Variants in CDH23 observed in about 807,000 individuals in gnomAD.
The protein encoded by CDH23 is cadherin-23.
Under a neutral mutation model 317.1 loss-of-function variants are expected in CDH23, and 189 were observed. That is an observed-to-expected ratio of 0.60 (90% CI 0.53 to 0.67). The LOEUF is 0.67. Ranked by LOEUF, CDH23 falls within the 30% of genes least tolerant of loss-of-function variation. CDH23 has a pLI of 0.00. For synonymous variants in CDH23, 1,839 were observed against 1,876.8 expected (o/e 0.98, Z 0.52); for missense variants, 4,401 against 4,592.4 (o/e 0.96, Z 1.20).
At chr10:71,659,871 C>T (rs1863570549) in intron 14 of CDH23, among the ~76,000 whole-genome samples, 1 of 151,714 alleles carries the variant, frequency 6.6e-6, no homozygotes, top group African/African-American at 2.4e-5. Context: ...CTACAGGGAG[C>T]AAAGGGATAA....
chr10:71,761,849 C>T (rs757499424), intron 38 of CDH23: 21 of 1,614,000 alleles, frequency 1.3e-5, no homozygotes, highest in Non-Finnish European at 1.6e-5. Context: ...GCGGATGGGC[C>T]GGCGCTCTGA....
At position 71,778,169 on chromosome 10, in the gene CDH23, C is replaced by A. The variant is rs1158589987; in HGVS notation, c.5068-20C>A. ...CTACCACCCCTAGATCCATCCTTGTCCCTTCCCTGTGTCCCCCAGGGTGTC... is the reference window on the plus strand; with the variant it reads ...CTACCACCCCTAGATCCATCCTTGTACCTTCCCTGTGTCCCCCAGGGTGTC... On this transcript the variant is annotated intron_variant, in intron 39 of 69. Transcript: ENST00000224721. 6.2e-7 allele frequency: 1 copy of A among 1,613,736 alleles called. No individual in the cohort carries two copies. The highest frequency in any genetic ancestry group is 2.2e-5 in the East Asian group (1 of 44,866).
rs1841925855 is a variant in CDH23, at chr10:71,811,553, A to T, written c.9241A>T (p.Met3081Leu). Residue 3081 changes from methionine to leucine, a missense_variant, in exon 64 of 70, where the codon ATG (methionine) becomes TTG (leucine). This residue lies in a region of CDH23 where 1,144 missense variants were observed against 1,138.2 expected (regional missense o/e 1.01). Coordinates refer to ENST00000224721, the MANE Select transcript of CDH23 (RefSeq NM_022124.6). ...VLAILLFLAA[M>L]LFVLMNWYYR... ...GGCTATCCTCCTGTTCCTGGCCGCC[A>T]TGCTCTTTGTCCTCATGAACTGGTA... The T allele has an allele frequency of 6.2e-7, 1 of 1,613,842 alleles. No individual in the cohort carries two copies. The highest frequency in any genetic ancestry group is 8.5e-7 in the Non-Finnish European group (1 of 1,179,864).
Position 71,530,442 on chromosome 10 carries a change from C to T in CDH23, c.429+19230C>T, listed in dbSNP as rs1002612986. On this transcript the variant is annotated intron_variant, in intron 6 of 69. Transcript: ENST00000224721. ...GCAGACTGCCAAGCCGTTCTCCACC[C>T]GCCGCCTGGCCTGAAGCACCCCCTT... 2.6e-5 allele frequency among the ~76,000 whole-genome samples: 4 copies of T among 152,240 alleles called. No individual in the cohort carries two copies. The South Asian group carries it at 6.2e-4, about 24-fold the overall frequency.
chr10:71,502,774 T>G (rs1313925907), intron 3 of CDH23, among the ~76,000 whole-genome samples: 1 of 152,218 alleles, frequency 6.6e-6, no homozygotes, highest in Non-Finnish European at 1.5e-5. Context: ...ATGGAAGGTG[T>G]GCTTTAAGGA....
intron 2 of CDH23, 36 bp from the exon 3 acceptor site, chr10:71,446,282 G>C: frequency 6.3e-7 from 1 of 1,595,302 alleles, no homozygotes; most frequent in Non-Finnish European, 8.6e-7. Flanking sequence ...GCTGATGGGG[G>C]GTACTTGGCT....
In CDH23 at chr10:71,687,668, A is replaced by C. The variant is rs1304555485; in HGVS notation, c.2008A>C (p.Thr670Pro). Residue 670 changes from threonine (T) to proline (P), a missense_variant, in exon 19 of 70, where the codon ACC (threonine) becomes CCC (proline). Thr to Pro is a conservative substitution (Grantham distance 38). This residue lies in a region of CDH23 where 3,068 missense variants were observed against 3,203.3 expected (regional missense o/e 0.96). Coordinates refer to ENST00000224721, the MANE Select transcript of CDH23 (RefSeq NM_022124.6). ...CCAGGATGAGAATGACAACCCTCCCACCTTCAGCAAGCCCGCCTACTTCGT... is the reference window on the plus strand; with the variant it reads ...CCAGGATGAGAATGACAACCCTCCCCCCTTCAGCAAGCCCGCCTACTTCGT... ...EVFDENDNPP[T>P]FSKPAYFVSV... 6.2e-7 allele frequency: 1 copy of C among 1,613,076 alleles called. No homozygotes were observed. The highest frequency in any genetic ancestry group is 8.5e-7 in the Non-Finnish European group (1 of 1,179,654).
At chr10:71,577,485 G>C (rs891217009) in intron 8 of CDH23, among the ~76,000 whole-genome samples, 2 of 152,282 alleles carry the variant, frequency 1.3e-5, no homozygotes, top group Non-Finnish European at 2.9e-5. Flanking sequence ...GTGAAAACAA[G>C]GTCCCAGGCT....
intron 38 of CDH23, among the ~76,000 whole-genome samples, chr10:71,762,661 C>A (rs1403245547): frequency 1.9e-5 from 2 of 107,406 alleles, no homozygotes; most frequent in Admixed American, 1.0e-4. Flanking sequence ...CTTCTGGGGA[C>A]AGTCAGGGAC....
In CDH23 at chr10:71,743,007, G is replaced by A. The variant is rs770592200; in HGVS notation, c.4845+1086G>A. On this transcript the variant is annotated intron_variant, in intron 38 of 69. Transcript: ENST00000224721. ...GGACAACTCATCCTCCAGAAGGCTA[G>A]CCCGTGCCTGTTCTTATGGGGCTGG... Among the ~76,000 whole-genome samples, 4 of 152,204 alleles carry A rather than the reference G, an allele frequency of 2.6e-5. No homozygotes were observed. In the East Asian group the frequency reaches 5.8e-4, roughly 22 times the overall value.
chr10:71,727,951 G>A (rs960042332), intron 30 of CDH23, among the ~76,000 whole-genome samples: 3 of 152,062 alleles, frequency 2.0e-5, no homozygotes, highest in South Asian at 4.1e-4. Context: ...GGCTGAAACC[G>A]ACCAGAGGCT....
intron 1 of CDH23, among the ~76,000 whole-genome samples, chr10:71,439,316 G>GAT (rs1303594753): frequency 6.6e-6 from 1 of 152,172 alleles, no homozygotes; most frequent in Non-Finnish European, 1.5e-5. Context: ...AACAGGAAGA[G>GAT]ATATGCTCAT....
At chr10:71,626,639 T>G (rs1861749502) in intron 11 of CDH23, among the ~76,000 whole-genome samples, 1 of 152,152 alleles carries the variant, frequency 6.6e-6, no homozygotes, top group African/African-American at 2.4e-5. Flanking sequence ...TTCTGTCTCC[T>G]AAGCAACTTG....
intron 8 of CDH23, among the ~76,000 whole-genome samples, chr10:71,573,905 G>A (rs778933154): frequency 6.6e-6 from 1 of 152,260 alleles, no homozygotes; most frequent in African/African-American, 2.4e-5. Flanking sequence ...AGGTTCCCTC[G>A]CCTCTTGCAG....
At chr10:71,770,759 C>T (rs1035275360) in intron 38 of CDH23, among the ~76,000 whole-genome samples, 4 of 152,176 alleles carry the variant, frequency 2.6e-5, no homozygotes, top group African/African-American at 9.7e-5. Context: ...CTGCCTGGAC[C>T]ACCCTCTCCC....
At chr10:71,709,064 T>A (rs751193554) in intron 26 of CDH23, 34 bp from the exon 27 acceptor site, 1 of 1,601,758 alleles carries the variant, frequency 6.2e-7, no homozygotes, top group South Asian at 1.1e-5. Flanking sequence ...GAGCTCTGTT[T>A]CCCAGCCGGA....
intron 9 of CDH23, among the ~76,000 whole-genome samples, chr10:71,597,586 A>T (rs973193885): frequency 2.0e-5 from 3 of 151,914 alleles, no homozygotes; most frequent in Non-Finnish European, 4.4e-5. Context: ...CTTTCAGTGC[A>T]GGAGGGCAGT....
At chr10:71,651,572 T>G (rs955232769) in intron 14 of CDH23, among the ~76,000 whole-genome samples, 23 of 143,728 alleles carry the variant, frequency 1.6e-4, no homozygotes, top group Middle Eastern at 3.5e-3. Context: ...AAAAAACCAC[T>G]GGAGGAGAGA....
intron 28 of CDH23, among the ~76,000 whole-genome samples, chr10:71,719,378 T>C (rs1866443858): frequency 6.6e-6 from 1 of 152,198 alleles, no homozygotes; most frequent in Non-Finnish European, 1.5e-5. Context: ...GACATATCTC[T>C]GCAAGCTCAG....
Sources: gnomAD v4.1 joint callset for allele counts (sites outside exome capture counted in the v4.1 genomes callset) on GRCh38, gnomAD v4.1.1 for gene constraint, gnomAD v4.1.1 regional missense constraint, MANE v1.5 for transcripts, NCBI Gene and HGNC (gene_info 2026-07-23, HGNC 2026-07-21) for gene names.